The following WAC variants were observed in gnomAD, a reference collection of about 807,000 sequenced individuals.
WAC encodes the protein WW domain containing adaptor with coiled-coil.
In WAC, 11 loss-of-function variants were observed where a neutral mutation model predicts 79.6. The observed-to-expected ratio is 0.14, with a 90% CI of 0.09 to 0.23. WAC has a LOEUF of 0.23. Ranked by LOEUF, WAC falls within the 10% of genes least tolerant of loss-of-function variation. The pLI is 1.00. For synonymous variants in WAC, 304 were observed against 276.9 expected (o/e 1.10, Z -0.97); for missense variants, 728 against 773.5 (o/e 0.94, Z 0.70).
intron 3 of WAC, among the ~76,000 whole-genome samples, chr10:28,576,764 C>T (rs912370930): frequency 2.0e-5 from 3 of 152,152 alleles, no homozygotes; most frequent in Non-Finnish European, 2.9e-5. Context: ...ATCAGCTCAC[C>T]TTCATGGAGA....
chr10:28,568,157 G>A (rs920214421), intron 3 of WAC, among the ~76,000 whole-genome samples: 6 of 152,120 alleles, frequency 3.9e-5, no homozygotes, highest in African/African-American at 9.7e-5. Context: ...TTTTTGATAG[G>A]TGTTATAGAG....
At chr10:28,604,942 T>C (rs1426459611) in intron 7 of WAC, among the ~76,000 whole-genome samples, 2 of 152,228 alleles carry the variant, frequency 1.3e-5, no homozygotes, top group South Asian at 2.1e-4. Context: ...CCTCTCAGAA[T>C]AGCATTTTAT....
At chr10:28,537,184 C>T (rs898466577) in intron 3 of WAC, among the ~76,000 whole-genome samples, 35 of 152,248 alleles carry the variant, frequency 2.3e-4, no homozygotes, top group Middle Eastern at 3.4e-3. Context: ...GCAGATAAAC[C>T]ACATTTTTGT....
At chr10:28,617,257 C>A (rs1406983527) in intron 12 of WAC, among the ~76,000 whole-genome samples, 1 of 152,152 alleles carries the variant, frequency 6.6e-6, no homozygotes, top group African/African-American at 2.4e-5. Context: ...CGAAAGTTTA[C>A]AGAGAATATG....
Position 28,621,546 on chromosome 10 carries a change from C to T in WAC, c.*1940C>T, listed in dbSNP as rs79734057. The T allele has an allele frequency of 1.3e-5, 2 of 151,986 alleles. No individual in the cohort carries two copies. Among genetic ancestry groups the T allele is most frequent in the Non-Finnish European group, 2.9e-5 (2 of 68,024 alleles). 9.4% of individuals were successfully genotyped at this position (151,986 alleles called of 1,614,324 possible). A position where few individuals can be genotyped will look rare whatever the true frequency, so the allele number is the denominator to read the frequency against. On this transcript the variant is annotated 3_prime_UTR_variant, in exon 14 of 14. Coordinates refer to ENST00000354911, the MANE Select transcript of WAC (RefSeq NM_016628.5). The stretch of plus-strand genomic sequence containing the variant: ...GATACTTTTTAAATGTAAGAAAAGA[C>T]ATGTCATTAATTTATTGTCATGTTT...
chr10:28,534,766 G>T (rs1032573688), intron 2 of WAC, among the ~76,000 whole-genome samples: 1 of 152,220 alleles, frequency 6.6e-6, no homozygotes, highest in African/African-American at 2.4e-5. Context: ...GGACTAGAGA[G>T]CAGGTTTCTA....
At chr10:28,611,102 T>G (rs920674898) in intron 9 of WAC, 7 of 585,060 alleles carry the variant, frequency 1.2e-5, no homozygotes, top group Non-Finnish European at 1.9e-5. Context: ...TATTAATGAG[T>G]TTTTTTATGC....
At chr10:28,551,340 G>GA (rs1163929920) in intron 3 of WAC, among the ~76,000 whole-genome samples, 6 of 151,808 alleles carry the variant, frequency 4.0e-5, no homozygotes, top group African/African-American at 9.7e-5. Flanking sequence ...TTGTATCAGG[G>GA]AAAAAAAAGA....
intron 11 of WAC, 29 bp from the exon 12 acceptor site, chr10:28,616,144 C>T (rs761836825): frequency 2.6e-6 from 4 of 1,512,534 alleles, no homozygotes; most frequent in East Asian, 4.7e-5. Context: ...TACTTTTAAA[C>T]ATACTACACA....
At chr10:28,611,057 T>C in intron 9 of WAC, 1 of 575,062 alleles carries the variant, frequency 1.7e-6, no homozygotes, top group South Asian at 2.3e-5. Context: ...ATCAAATCTG[T>C]AATTATTTAA....
At chr10:28,535,387 A>T in intron 2 of WAC, 175 bp from the exon 3 acceptor site, 3 of 637,450 alleles carry the variant, frequency 4.7e-6, no homozygotes, top group Non-Finnish European at 7.3e-6. Context: ...TGTAACGCTT[A>T]AGCATTAGGT....
At chr10:28,595,583 A>G (rs1439795335) in intron 6 of WAC, 150 bp from the exon 7 acceptor site, 3 of 728,860 alleles carry the variant, frequency 4.1e-6, no homozygotes, top group Non-Finnish European at 2.2e-6. Context: ...AAAACTGCAG[A>G]CACTAACTGG....
At chr10:28,556,774 C>T (rs574905577) in intron 3 of WAC, among the ~76,000 whole-genome samples, 4 of 152,154 alleles carry the variant, frequency 2.6e-5, no homozygotes, top group South Asian at 2.1e-4. Context: ...CATTCTTCTG[C>T]GTGCGGCTAT....
At chr10:28,581,238 C>CTTTTTTT (rs71391053) in intron 3 of WAC, among the ~76,000 whole-genome samples, 11 of 66,118 alleles carry the variant, frequency 1.7e-4, no homozygotes, top group African/African-American at 3.4e-4. Flanking sequence ...ATGAGCGATT[C>CTTTTTTT]TTTTTTTTTT....
In WAC at chr10:28,577,629, A is replaced by T. The variant is rs530130121; in HGVS notation, c.275-5770A>T. The stretch of plus-strand genomic sequence containing the variant: ...TGAAAGGCCAAGGACACTGGAAGGT[A>T]GTACAGCATTCAGAGTAACAGAGGA... On this transcript the variant is annotated intron_variant, in intron 3 of 13. Transcript: ENST00000354911. Among the ~76,000 whole-genome samples, 96 of 152,360 alleles carry T rather than the reference A, an allele frequency of 6.3e-4. No homozygotes were observed. In the Middle Eastern group the frequency reaches 0.01, roughly 16 times the overall value.
Position 28,622,425 on chromosome 10 carries a change from G to GCCCCCCC in WAC, c.*2832_*2838dup. The stretch of plus-strand genomic sequence containing the variant: ...ACTTGAGTGGCCTTTCCCTCCCCCT[G>GCCCCCCC]CCCCCCCCCCCCCCCCCCCGTTTTA... On this transcript the variant is annotated 3_prime_UTR_variant, in exon 14 of 14. Transcript: ENST00000354911. The GCCCCCCC allele has an allele frequency of 1.3e-3, 5 of 3,770 alleles. No homozygotes were observed. The highest frequency in any genetic ancestry group is 4.0e-3 in the Non-Finnish European group (2 of 498). The allele number at this position is 3,770 out of a possible 1,614,324, so 0.2% of individuals were successfully genotyped here.
chr10:28,593,745 A>C (rs1458203621), intron 6 of WAC, among the ~76,000 whole-genome samples: 7 of 151,808 alleles, frequency 4.6e-5, no homozygotes, highest in Non-Finnish European at 8.8e-5. Context: ...AAAAAAAAAT[A>C]AAATATTTTA....
At chr10:28,569,548 G>C (rs1474215570) in intron 3 of WAC, among the ~76,000 whole-genome samples, 1 of 152,178 alleles carries the variant, frequency 6.6e-6, no homozygotes, top group African/African-American at 2.4e-5. Flanking sequence ...TTTTGCAGTT[G>C]ATTACTTTTA....
intron 7 of WAC, among the ~76,000 whole-genome samples, chr10:28,601,815 C>T (rs1364777197): frequency 6.6e-6 from 1 of 152,026 alleles, no homozygotes; most frequent in Non-Finnish European, 1.5e-5. Context: ...TTTATGATTC[C>T]ACATATACTA....
Sources: gnomAD v4.1 joint callset for allele counts (sites outside exome capture counted in the v4.1 genomes callset) on GRCh38, gnomAD v4.1.1 for gene constraint, MANE v1.5 for transcripts, NCBI Gene and HGNC (gene_info 2026-07-23, HGNC 2026-07-21) for gene names.